Variants in RUNDC3B observed in about 807,000 individuals in gnomAD.
RUNDC3B encodes RUN domain containing 3B.
In RUNDC3B, 33 loss-of-function variants were observed where a neutral mutation model predicts 58.4. That is an observed-to-expected ratio of 0.56 (90% CI 0.43 to 0.75). The LOEUF (loss-of-function observed/expected upper bound fraction) is 0.75. Ranked by LOEUF, RUNDC3B falls within the 30% of genes least tolerant of loss-of-function variation. RUNDC3B has a pLI of 0.00. For missense variants in RUNDC3B, 501 were observed against 535.7 expected, an observed-to-expected ratio of 0.94 and a Z score of 0.64; for synonymous variants, 193 against 195.2, an observed-to-expected ratio of 0.99 and a Z score of 0.10.
At chr7:87,714,869 G>T (rs1382576087) in intron 4 of RUNDC3B, among the ~76,000 whole-genome samples, 1 of 152,016 alleles carries the variant, frequency 6.6e-6, no homozygotes, top group African/African-American at 2.4e-5. Flanking sequence ...TCTTGGTGAT[G>T]TGAAACCTCC....
In RUNDC3B at chr7:87,628,497, T is replaced by G. The variant is rs1820827344; in HGVS notation, c.-327T>G. ...CGCGCGCGCCGTCTGCTGAGGTCCC[T>G]CGGGAAGGAGGAGAGCGCCTGACGC... On this transcript the variant is annotated 5_prime_UTR_variant, in exon 1 of 11. Coordinates refer to ENST00000394654, the MANE Select transcript of RUNDC3B (RefSeq NM_001134405.2). 1 of 220,574 alleles carries G rather than the reference T, an allele frequency of 4.5e-6. No individual in the cohort carries two copies. Among genetic ancestry groups the G allele is most frequent in the Non-Finnish European group, 8.9e-6 (1 of 112,962 alleles). The allele number at this position is 220,574 out of a possible 1,614,324, so 13.7% of individuals were successfully genotyped here.
At chr7:87,649,026 G>A (rs1389736725) in intron 1 of RUNDC3B, among the ~76,000 whole-genome samples, 1 of 151,770 alleles carries the variant, frequency 6.6e-6, no homozygotes, top group African/African-American at 2.4e-5. Context: ...AAAAAAGCTT[G>A]TACTCTTTTA....
intron 2 of RUNDC3B, among the ~76,000 whole-genome samples, chr7:87,693,045 T>C (rs1264519871): frequency 6.6e-6 from 1 of 152,176 alleles, no homozygotes; most frequent in African/African-American, 2.4e-5. Flanking sequence ...ATCTAAGTGT[T>C]TGGAAAGGTG....
intron 2 of RUNDC3B, among the ~76,000 whole-genome samples, chr7:87,673,325 T>C (rs560227526): frequency 5.0e-4 from 76 of 152,346 alleles, no homozygotes; most frequent in African/African-American, 1.7e-3. Flanking sequence ...CCAATTTCCT[T>C]GCTTTGTCTC....
intron 6 of RUNDC3B, among the ~76,000 whole-genome samples, chr7:87,761,199 A>T (rs1833660931): frequency 6.6e-6 from 1 of 151,982 alleles, no homozygotes; most frequent in Non-Finnish European, 1.5e-5. Context: ...AGGAAGATGT[A>T]CAGTGGCCCA....
intron 10 of RUNDC3B, among the ~76,000 whole-genome samples, chr7:87,821,658 A>G (rs1015667239): frequency 1.1e-4 from 17 of 152,252 alleles, no homozygotes; most frequent in African/African-American, 3.9e-4. Flanking sequence ...ATGCTACAGT[A>G]ACCAAAACAG....
chr7:87,779,550 T>A (rs1834821628), intron 8 of RUNDC3B, among the ~76,000 whole-genome samples: 1 of 152,198 alleles, frequency 6.6e-6, no homozygotes, highest in Admixed American at 6.5e-5. Context: ...AAGGTGTTTT[T>A]CTCTTCTGTA....
chr7:87,649,539 T>C (rs28381757), intron 1 of RUNDC3B, among the ~76,000 whole-genome samples: 1,632 of 152,318 alleles, frequency 0.011, 27 homozygotes, highest in African/African-American at 0.036. Context: ...TAATTCTCCA[T>C]TGAGAAGATG....
intron 10 of RUNDC3B, among the ~76,000 whole-genome samples, chr7:87,821,855 T>C (rs1263485383): frequency 6.6e-6 from 1 of 152,188 alleles, no homozygotes; most frequent in East Asian, 1.9e-4. Flanking sequence ...AAGCTGAAAC[T>C]GGATCCCTTC....
At chr7:87,818,979 ACTC>A (rs1294299511) in intron 10 of RUNDC3B, among the ~76,000 whole-genome samples, 3 of 152,038 alleles carry the variant, frequency 2.0e-5, no homozygotes, top group African/African-American at 7.2e-5. Context: ...TTCCGGCAGC[ACTC>A]CTCTCAAGGG....
At chr7:87,739,515 A>G (rs1832186395) in intron 4 of RUNDC3B, among the ~76,000 whole-genome samples, 1 of 151,942 alleles carries the variant, frequency 6.6e-6, no homozygotes, top group African/African-American at 2.4e-5. Context: ...TGAAAGACTC[A>G]CTTGGGGGTT....
chr7:87,745,904 T>C (rs1584081607), intron 6 of RUNDC3B, among the ~76,000 whole-genome samples: 1 of 152,192 alleles, frequency 6.6e-6, no homozygotes, highest in East Asian at 1.9e-4. Flanking sequence ...AACGTCAGTT[T>C]GTACTCTTTC....
intron 9 of RUNDC3B, among the ~76,000 whole-genome samples, chr7:87,810,835 G>C (rs1176474737): frequency 2.0e-5 from 3 of 151,960 alleles, no homozygotes; most frequent in African/African-American, 7.3e-5. Context: ...TTTATAGTAA[G>C]CCTAACATGC....
chr7:87,715,461 TATTA>T lies in RUNDC3B; in HGVS notation c.458+4810_458+4813del, dbSNP rs1186509681. ...ATTAATATAATATATAATTATATTA[TATTA>T]ATTTATATTAATATATAAATAATAC... On this transcript the variant is annotated intron_variant, in intron 4 of 10. Coordinates refer to ENST00000394654, the MANE Select transcript of RUNDC3B (RefSeq NM_001134405.2). Among the ~76,000 whole-genome samples the T allele has an allele frequency of 1.1e-4, 14 of 131,570 alleles. 1 individual carries two copies. Among genetic ancestry groups the T allele is most frequent in the South Asian group, 6.4e-4 (3 of 4,666 alleles). 86.3% of individuals were successfully genotyped at this position (131,570 alleles called of 152,430 possible).
intron 9 of RUNDC3B, among the ~76,000 whole-genome samples, chr7:87,807,799 G>A (rs548344153): frequency 6.6e-6 from 1 of 152,102 alleles, no homozygotes; most frequent in South Asian, 2.1e-4. Flanking sequence ...TCTATCATTG[G>A]TGTGGTATTT....
intron 6 of RUNDC3B, among the ~76,000 whole-genome samples, chr7:87,754,969 AC>A (rs1833281310): frequency 6.7e-6 from 1 of 150,116 alleles, no homozygotes; most frequent in Admixed American, 6.6e-5. Flanking sequence ...AAAGCCCAGA[AC>A]CTGATGGATT....
At chr7:87,748,207 C>T (rs1277478929) in intron 6 of RUNDC3B, among the ~76,000 whole-genome samples, 1 of 152,210 alleles carries the variant, frequency 6.6e-6, no homozygotes, top group Non-Finnish European at 1.5e-5. Context: ...ATTGACTCAG[C>T]TCCTGGTAGA....
intron 1 of RUNDC3B, among the ~76,000 whole-genome samples, chr7:87,650,121 A>G (rs1585001797): frequency 6.6e-6 from 1 of 152,214 alleles, no homozygotes; most frequent in Non-Finnish European, 1.5e-5. Context: ...AACTCTCAAA[A>G]GCATTTGAGT....
At chr7:87,815,030 C>T (rs1172223211) in intron 9 of RUNDC3B, among the ~76,000 whole-genome samples, 1 of 151,656 alleles carries the variant, frequency 6.6e-6, no homozygotes, top group Non-Finnish European at 1.5e-5. Context: ...TGGGCTTTGC[C>T]TTTTTTTTAA....
Sources: gnomAD v4.1 joint callset for allele counts (sites outside exome capture counted in the v4.1 genomes callset) on GRCh38, gnomAD v4.1.1 for gene constraint, MANE v1.5 for transcripts, NCBI Gene and HGNC (gene_info 2026-07-23, HGNC 2026-07-21) for gene names.